Variants in TMEM117 observed in about 807,000 individuals in gnomAD.
TMEM117 encodes transmembrane protein 117.
In TMEM117, 27 loss-of-function variants were observed where a neutral mutation model predicts 52.4. The observed-to-expected ratio is 0.51, with a 90% CI of 0.38 to 0.71. TMEM117 has a LOEUF of 0.71. TMEM117 is among the 30% of genes least tolerant of loss of function. The pLI, the probability that TMEM117 is intolerant of heterozygous loss-of-function variation, is 0.00. For missense variants in TMEM117, 556 were observed against 630.5 expected (o/e 0.88, Z 1.26); for synonymous variants, 215 against 206.3 (o/e 1.04, Z -0.36).
chr12:43,922,602 T>C (rs1427256550), intron 2 of TMEM117, among the ~76,000 whole-genome samples: 1 of 152,204 alleles, frequency 6.6e-6, no homozygotes, highest in Admixed American at 6.5e-5. Flanking sequence ...TCACCTTTGC[T>C]TTGAGGTTTG....
intron 3 of TMEM117, among the ~76,000 whole-genome samples, chr12:43,959,148 A>T (rs2137657367): frequency 6.6e-6 from 1 of 152,320 alleles, no homozygotes; most frequent in South Asian, 2.1e-4. Context: ...AGCAAAAGCA[A>T]GCAAGGATAA....
intron 3 of TMEM117, among the ~76,000 whole-genome samples, chr12:44,062,954 A>T (rs1033994350): frequency 1.3e-5 from 2 of 152,204 alleles, no homozygotes; most frequent in Non-Finnish European, 2.9e-5. Flanking sequence ...TAAACCTAAA[A>T]ATGTAATGTT....
chr12:44,210,881 G>A (rs537635506), intron 4 of TMEM117, among the ~76,000 whole-genome samples: 1 of 152,182 alleles, frequency 6.6e-6, no homozygotes, highest in South Asian at 2.1e-4. Flanking sequence ...AAGTAAGGAA[G>A]AGGAAAAGAG....
At chr12:43,872,819 A>G (rs1291842230) in intron 2 of TMEM117, among the ~76,000 whole-genome samples, 1 of 152,228 alleles carries the variant, frequency 6.6e-6, no homozygotes, top group Admixed American at 6.5e-5. Context: ...ATACCTTAAT[A>G]GCAATATGAA....
chr12:43,801,355 G>T, the TMEM117 span, among the ~76,000 whole-genome samples: 3 of 152,094 alleles, frequency 2.0e-5, no homozygotes, highest in Non-Finnish European at 4.4e-5. Flanking sequence ...TCATAATCCT[G>T]CATGGTCAAA....
At chr12:44,288,775 G>T (rs1950666354) in intron 5 of TMEM117, among the ~76,000 whole-genome samples, 1 of 152,108 alleles carries the variant, frequency 6.6e-6, no homozygotes, top group Non-Finnish European at 1.5e-5. Flanking sequence ...TGCACAACAT[G>T]ATTTAATATA....
intron 3 of TMEM117, among the ~76,000 whole-genome samples, chr12:43,980,697 C>T (rs1945746417): frequency 6.6e-6 from 1 of 152,166 alleles, no homozygotes; most frequent in South Asian, 2.1e-4. Context: ...GGGGTACCAC[C>T]TGCCAAGTCT....
intron 3 of TMEM117, among the ~76,000 whole-genome samples, chr12:44,048,017 GA>G (rs1430871098): frequency 6.6e-6 from 1 of 151,984 alleles, no homozygotes; most frequent in African/African-American, 2.4e-5. Flanking sequence ...AATATTTTGG[GA>G]AAAATTTTTA....
chr12:44,299,465 C>T (rs1950811109), intron 5 of TMEM117, 115 bp from the exon 6 acceptor site: 2 of 1,366,550 alleles, frequency 1.5e-6, no homozygotes, highest in East Asian at 2.4e-5. Flanking sequence ...GCTAATATAC[C>T]TTAGGGTAGG....
intron 4 of TMEM117, among the ~76,000 whole-genome samples, chr12:44,197,388 C>T (rs1006894811): frequency 6.6e-6 from 1 of 152,088 alleles, no homozygotes; most frequent in Non-Finnish European, 1.5e-5. Context: ...GTTAACAAAG[C>T]AGAGACGGTA....
chr12:44,101,175 A>T (rs1429544194), intron 3 of TMEM117, among the ~76,000 whole-genome samples: 2 of 151,452 alleles, frequency 1.3e-5, no homozygotes, highest in South Asian at 4.2e-4. Flanking sequence ...ATACCACCAA[A>T]TTAGAGATTA....
At chr12:43,825,648 A>G in the TMEM117 span, among the ~76,000 whole-genome samples, 2 of 152,246 alleles carry the variant, frequency 1.3e-5, no homozygotes, top group South Asian at 2.1e-4. Flanking sequence ...ATATTATACT[A>G]TTCAAATATA....
intron 3 of TMEM117, among the ~76,000 whole-genome samples, chr12:43,990,692 G>A (rs566197514): frequency 1.3e-5 from 2 of 152,094 alleles, no homozygotes; most frequent in East Asian, 3.9e-4. Context: ...TATTTTTTCA[G>A]TATGTCCCTG....
the TMEM117 span, chr12:43,797,539 G>A: frequency 7.3e-7 from 1 of 1,363,566 alleles, no homozygotes; most frequent in East Asian, 2.5e-5. Flanking sequence ...AAGAGATAAA[G>A]GAGGAACTTA....
At chr12:43,871,023 G>C (rs180750280) in intron 2 of TMEM117, among the ~76,000 whole-genome samples, 173 of 152,214 alleles carry the variant, frequency 1.1e-3, no homozygotes, top group Non-Finnish European at 2.2e-3. Flanking sequence ...GACCTCAGGC[G>C]ATCCACCCGC....
At chr12:43,986,855 A>G (rs1945855089) in intron 3 of TMEM117, among the ~76,000 whole-genome samples, 1 of 152,110 alleles carries the variant, frequency 6.6e-6, no homozygotes, top group Admixed American at 6.6e-5. Flanking sequence ...TCCAAACTGA[A>G]CTTCTGCTGT....
At chr12:44,075,564 A>G (rs976440862) in intron 3 of TMEM117, among the ~76,000 whole-genome samples, 1 of 152,138 alleles carries the variant, frequency 6.6e-6, no homozygotes, top group Non-Finnish European at 1.5e-5. Context: ...TAAAACAGGG[A>G]TAGTAATATT....
At chr12:44,108,635 T>C (rs1166798737) in intron 3 of TMEM117, among the ~76,000 whole-genome samples, 2 of 74,972 alleles carry the variant, frequency 2.7e-5, no homozygotes, top group Admixed American at 1.6e-4. Context: ...TTCCAAGTCT[T>C]TGCTATTGTG....
rs545359239 is a variant in TMEM117 at position 44,104,198 on chromosome 12, A to G, written c.411-39327A>G. On this transcript the variant is annotated intron_variant, in intron 3 of 7. Transcript: ENST00000266534. ...ATTGAATGTAAATATTGTTGCTATA[A>G]AGTAGAATGATTAATTAGTATATTA... Among the ~76,000 whole-genome samples the G allele has an allele frequency of 7.2e-5, 11 of 152,150 alleles. No individual in the cohort carries two copies. The East Asian group carries it at 1.9e-3, about 27-fold the overall frequency.
Sources: gnomAD v4.1 joint callset for allele counts (sites outside exome capture counted in the v4.1 genomes callset) on GRCh38, gnomAD v4.1.1 for gene constraint, MANE v1.5 for transcripts, NCBI Gene and HGNC (gene_info 2026-07-23, HGNC 2026-07-21) for gene names.